Variants in GPHN observed in about 807,000 individuals in gnomAD.
The protein encoded by GPHN is gephyrin.
GPHN carries 17 observed loss-of-function variants against 95.5 expected under a neutral mutation model. The observed-to-expected ratio is 0.18, with a 90% confidence interval of 0.12 to 0.27. The LOEUF is 0.27. GPHN is among the 10% of genes least tolerant of loss of function. The pLI, the probability that GPHN is intolerant of heterozygous loss-of-function variation, is 1.00. For missense variants in GPHN, 660 were observed against 978.1 expected (o/e 0.67, Z 4.34); for synonymous variants, 320 against 322.5 (o/e 0.99, Z 0.08).
chr14:67,675,231 G>A, the GPHN span, among the ~76,000 whole-genome samples: 1 of 152,320 alleles, frequency 6.6e-6, no homozygotes, highest in African/African-American at 2.4e-5. Flanking sequence ...GAACCCGGCC[G>A]GGCGAGTGGC....
chr14:67,502,829 CAACT>C, the GPHN span, among the ~76,000 whole-genome samples: 1 of 152,092 alleles, frequency 6.6e-6, no homozygotes, highest in Non-Finnish European at 1.5e-5. Context: ...GCCAACCAAC[CAACT>C]TTATTAAATA....
the GPHN span, among the ~76,000 whole-genome samples, chr14:67,523,805 G>A: frequency 6.6e-6 from 1 of 152,196 alleles, no homozygotes. Context: ...GCAAAGAACA[G>A]ACGTGGGAAG....
chr14:67,652,357 G>T, the GPHN span: 1 of 166,888 alleles, frequency 6.0e-6, no homozygotes. Context: ...TCACTGCTGT[G>T]ATGACTGAAG....
In GPHN at chr14:66,857,208, A is replaced by G. The variant is rs370922611; in HGVS notation, c.295-22731A>G. On this transcript the variant is annotated intron_variant, in intron 4 of 22. Coordinates refer to ENST00000478722, the MANE Select transcript of GPHN (RefSeq NM_020806.5). Reference sequence around the variant, plus strand: ...GAAAAGATATGAAGAATGAAATGAGAAGGTCCAAAGTACATTATATCAGAG... The same window carrying G: ...GAAAAGATATGAAGAATGAAATGAGGAGGTCCAAAGTACATTATATCAGAG... 2.5e-4 allele frequency among the ~76,000 whole-genome samples: 38 copies of G among 152,274 alleles called. 1 individual carries two copies. Among genetic ancestry groups the G allele is most frequent in the East Asian group, 1.5e-3 (8 of 5,184 alleles).
At chr14:66,626,397 T>A (rs1246969200) in intron 1 of GPHN, among the ~76,000 whole-genome samples, 1 of 152,144 alleles carries the variant, frequency 6.6e-6, no homozygotes, top group Non-Finnish European at 1.5e-5. Flanking sequence ...ATTTAAGTAA[T>A]TGGATTTATT....
At chr14:66,615,814 T>A (rs144198220) in intron 1 of GPHN, among the ~76,000 whole-genome samples, 54 of 152,212 alleles carry the variant, frequency 3.5e-4, no homozygotes, top group African/African-American at 1.2e-3. Context: ...TGAATGATAT[T>A]GCCTAGGTTT....
the GPHN span, among the ~76,000 whole-genome samples, chr14:67,664,139 T>A: frequency 9.8e-5 from 15 of 152,318 alleles, no homozygotes; most frequent in African/African-American, 3.6e-4. Context: ...GCTGGCAAAA[T>A]ACATGTAATA....
At chr14:66,551,428 C>G (rs1276947016) in intron 1 of GPHN, among the ~76,000 whole-genome samples, 1 of 152,166 alleles carries the variant, frequency 6.6e-6, no homozygotes, top group Non-Finnish European at 1.5e-5. Flanking sequence ...ATCCCTGGTC[C>G]TTAGCCCATT....
the GPHN span, among the ~76,000 whole-genome samples, chr14:67,546,952 T>C: frequency 2.0e-5 from 3 of 152,212 alleles, 1 homozygote; most frequent in Middle Eastern, 0.01. Context: ...GTCTACCCTA[T>C]TCCTCAGGGG....
At chr14:67,009,251 T>A (rs1955607) in intron 9 of GPHN, among the ~76,000 whole-genome samples, 2 of 152,316 alleles carry the variant, frequency 1.3e-5, no homozygotes, top group East Asian at 1.9e-4. Flanking sequence ...TTAATTTTTG[T>A]GTTTCAGTGT....
the GPHN span, among the ~76,000 whole-genome samples, chr14:67,192,259 T>C: frequency 1.3e-5 from 2 of 152,182 alleles, no homozygotes; most frequent in African/African-American, 4.8e-5. Context: ...TAGAATAACT[T>C]GTGACAAAAG....
intron 21 of GPHN, among the ~76,000 whole-genome samples, chr14:67,173,825 T>C (rs1355411227): frequency 6.6e-6 from 1 of 151,992 alleles, no homozygotes; most frequent in African/African-American, 2.4e-5. Flanking sequence ...GGAAAACAAT[T>C]TATGATATAA....
chr14:67,224,875 T>TA, the GPHN span: 1 of 361,514 alleles, frequency 2.8e-6, no homozygotes, highest in African/African-American at 2.2e-5. Context: ...CCAGGCTTAA[T>TA]AAAAAAGGAG....
At chr14:67,357,871 A>G in the GPHN span, among the ~76,000 whole-genome samples, 1 of 152,314 alleles carries the variant, frequency 6.6e-6, no homozygotes, top group African/African-American at 2.4e-5. Context: ...ACAGACTGGG[A>G]GACAAAGCCC....
At chr14:67,326,720 C>T in the GPHN span, among the ~76,000 whole-genome samples, 245 of 152,276 alleles carry the variant, frequency 1.6e-3, no homozygotes, top group African/African-American at 5.6e-3. Flanking sequence ...TAAATAGAAG[C>T]ATGCCGTTTG....
At chr14:66,523,264 C>T (rs890437176) in intron 1 of GPHN, among the ~76,000 whole-genome samples, 3 of 151,954 alleles carry the variant, frequency 2.0e-5, no homozygotes, top group Non-Finnish European at 4.4e-5. Flanking sequence ...GTTCAAATTG[C>T]TAAATATATA....
At chr14:66,836,174 A>G (rs1296535322) in intron 4 of GPHN, among the ~76,000 whole-genome samples, 5 of 130,936 alleles carry the variant, frequency 3.8e-5, no homozygotes, top group Non-Finnish European at 7.5e-5. Flanking sequence ...GAGGCATCAC[A>G]CTACCTGACT....
chr14:67,349,314 T>G, the GPHN span, among the ~76,000 whole-genome samples: 3 of 152,210 alleles, frequency 2.0e-5, no homozygotes, highest in African/African-American at 7.2e-5. Context: ...ATTCAAAACA[T>G]TAGCAGTAAG....
the GPHN span, among the ~76,000 whole-genome samples, chr14:67,311,232 A>T: frequency 2.0e-5 from 3 of 147,130 alleles, no homozygotes; most frequent in African/African-American, 7.6e-5. Context: ...AATCACTTGA[A>T]CCCGGGAGAT....
Sources: gnomAD v4.1 joint callset for allele counts (sites outside exome capture counted in the v4.1 genomes callset) on GRCh38, gnomAD v4.1.1 for gene constraint, MANE v1.5 for transcripts, NCBI Gene and HGNC (gene_info 2026-07-23, HGNC 2026-07-21) for gene names.